Variants in IQCK observed in about 807,000 individuals in gnomAD.
IQCK encodes IQ motif containing K.
A neutral mutation model predicts 28.1 loss-of-function variants in IQCK; 29 were observed. That is an observed-to-expected ratio of 1.03 (90% confidence interval 0.77 to 1.41). The LOEUF is 1.41. Among genes scored for constraint, IQCK ranks in the 40% most tolerant of loss-of-function variants. The pLI is 0.00. For synonymous variants in IQCK, 113 were observed against 115.1 expected (o/e 0.98, Z 0.12); for missense variants, 359 against 314.7 (o/e 1.14, Z -1.07).
chr16:19,726,682 A>G (rs1977664357), intron 1 of IQCK, among the ~76,000 whole-genome samples: 2 of 152,334 alleles, frequency 1.3e-5, no homozygotes, highest in South Asian at 4.1e-4. Context: ...GGCTTACAAT[A>G]GATATAAATG....
chr16:19,846,409 C>G (rs2056416029), intron 9 of IQCK, among the ~76,000 whole-genome samples: 1 of 152,174 alleles, frequency 6.6e-6, no homozygotes, highest in Non-Finnish European at 1.5e-5. Context: ...TTTATTGAAT[C>G]TCTCTTTTTC....
At chr16:19,856,454 T>C (rs1164197094) in intron 9 of IQCK, 33 bp from the exon 9 acceptor site, 3 of 1,594,830 alleles carry the variant, frequency 1.9e-6, no homozygotes, top group East Asian at 4.5e-5. Flanking sequence ...CGTATGTAAA[T>C]TGATCCTGAC....
intron 9 of IQCK, among the ~76,000 whole-genome samples, chr16:19,845,051 G>A (rs1346056418): frequency 2.6e-5 from 4 of 152,022 alleles, no homozygotes; most frequent in East Asian, 1.9e-4. Context: ...AGATCAGCCC[G>A]CCTCGGCCTC....
chr16:19,765,884 T>G (rs1316202567), intron 6 of IQCK: 1 of 152,218 alleles, frequency 6.6e-6, no homozygotes, highest in Non-Finnish European at 1.5e-5. Flanking sequence ...AATTTTCCAT[T>G]TGTAATAACC....
chr16:19,730,057 G>C (rs1977782211), intron 1 of IQCK, among the ~76,000 whole-genome samples: 1 of 151,888 alleles, frequency 6.6e-6, no homozygotes, highest in African/African-American at 2.4e-5. Context: ...CCGGGTTCAA[G>C]CAATTCTCCT....
intron 4 of IQCK, among the ~76,000 whole-genome samples, chr16:19,759,209 AATT>A (rs771544885): frequency 1.3e-5 from 2 of 151,922 alleles, no homozygotes; most frequent in African/African-American, 2.4e-5. Flanking sequence ...TTTTAAAATT[AATT>A]ATTATTATTA....
chr16:19,853,983 A>C (rs958074739), intron 9 of IQCK, among the ~76,000 whole-genome samples: 1 of 152,242 alleles, frequency 6.6e-6, no homozygotes, highest in East Asian at 1.9e-4. Context: ...GGCAGCCAGC[A>C]TGATGTTAAT....
intron 9 of IQCK, among the ~76,000 whole-genome samples, chr16:19,842,416 C>T (rs1217178078): frequency 6.6e-6 from 1 of 152,070 alleles, no homozygotes; most frequent in Non-Finnish European, 1.5e-5. Flanking sequence ...AATTTGGTTC[C>T]CATGGTTTTA....
At chr16:19,777,876 C>T (rs1026265418) in intron 6 of IQCK, among the ~76,000 whole-genome samples, 4 of 152,138 alleles carry the variant, frequency 2.6e-5, no homozygotes, top group African/African-American at 9.7e-5. Context: ...CGTGGTGAAA[C>T]CCCATCTCTA....
intron 9 of IQCK, among the ~76,000 whole-genome samples, chr16:19,832,642 T>C (rs2056246314): frequency 1.3e-5 from 2 of 152,196 alleles, no homozygotes; most frequent in Non-Finnish European, 2.9e-5. Flanking sequence ...TGCAACATGA[T>C]GATTTAATAT....
At chr16:19,819,862 A>T (rs938794993) in intron 7 of IQCK, among the ~76,000 whole-genome samples, 1 of 152,028 alleles carries the variant, frequency 6.6e-6, no homozygotes, top group African/African-American at 2.4e-5. Flanking sequence ...AAATACAGAA[A>T]GTCCATACAG....
rs189600803 is a variant in IQCK, at chr16:19,759,572, G to A, written c.475-4276G>A. On this transcript the variant is annotated intron_variant, in intron 4 of 7. Transcript: ENST00000564186. ...AAAAGACATGTATATGTGGCCTGTCGTCACAGAGCTTATGATTCACTAGGG... is the reference window on the plus strand; with the variant it reads ...AAAAGACATGTATATGTGGCCTGTCATCACAGAGCTTATGATTCACTAGGG... 1.1e-4 allele frequency among the ~76,000 whole-genome samples: 16 copies of A among 152,214 alleles called. No homozygotes were observed. In the East Asian group the frequency reaches 1.5e-3, roughly 15 times the overall value.
chr16:19,835,837 G>A (rs866399033), intron 9 of IQCK, among the ~76,000 whole-genome samples: 13 of 152,022 alleles, frequency 8.6e-5, no homozygotes, highest in African/African-American at 2.2e-4. Flanking sequence ...CACCTGCCTC[G>A]GCCTCTTAAA....
chr16:19,750,205 C>T (rs1740137104), intron 4 of IQCK, among the ~76,000 whole-genome samples: 1 of 151,962 alleles, frequency 6.6e-6, no homozygotes, highest in African/African-American at 2.4e-5. Context: ...TGGCTTACTG[C>T]AACCTCTGCC....
At chr16:19,821,953 C>T (rs898508923) in intron 7 of IQCK, among the ~76,000 whole-genome samples, 3 of 149,026 alleles carry the variant, frequency 2.0e-5, no homozygotes, top group African/African-American at 7.4e-5. Flanking sequence ...GGTGGCACGC[C>T]TGTAGTCCCA....
chr16:19,765,700 A>C (rs2055224214), intron 6 of IQCK, among the ~76,000 whole-genome samples: 1 of 152,198 alleles, frequency 6.6e-6, no homozygotes, highest in South Asian at 2.1e-4. Context: ...CTAAGATTAC[A>C]CATTGAAAGG....
Position 19,733,734 on chromosome 16 carries a change from A to G in IQCK, c.283A>G (p.Ser95Gly), listed in dbSNP as rs1597502310. 4 of 1,614,210 alleles carry G rather than the reference A, an allele frequency of 2.5e-6. No individual in the cohort carries two copies. The East Asian group carries it at 6.7e-5, about 27-fold the overall frequency. The stretch of plus-strand genomic sequence containing the variant: ...AGAGGAAATGCTTTTTCATGGCTTC[A>G]GTGCAGAGCACTATTTTCCGGTTTC... The change falls in exon 3 of 8, where the codon AGT becomes GGT. Residue 95 changes from serine (S) to glycine (G), a missense_variant. Physicochemically the swap from Ser to Gly is moderately conservative, Grantham distance 56 (BLOSUM62 0). Coordinates refer to ENST00000564186, the Ensembl canonical transcript of IQCK.
rs182848639 is a variant in IQCK, at chr16:19,784,993, C to T, written c.606-3845C>T. 5.9e-5 allele frequency among the ~76,000 whole-genome samples: 9 copies of T among 152,176 alleles called. No individual in the cohort carries two copies. In the East Asian group the frequency reaches 1.5e-3, roughly 26 times the overall value. The stretch of plus-strand genomic sequence containing the variant: ...CATGTTGGCCAGGCTGGTCTCGAAC[C>T]CCTGACCTCAGGTGATCCACCCGCC... On this transcript the variant is annotated intron_variant, in intron 6 of 7. Transcript: ENST00000564186.
chr16:19,842,767 G>A (rs2056375975), intron 9 of IQCK, among the ~76,000 whole-genome samples: 1 of 152,076 alleles, frequency 6.6e-6, no homozygotes, highest in African/African-American at 2.4e-5. Flanking sequence ...TTCACGCTTG[G>A]TTTTCTTTTT....
Sources: gnomAD v4.1 joint callset for allele counts (sites outside exome capture counted in the v4.1 genomes callset) on GRCh38, gnomAD v4.1.1 for gene constraint, MANE v1.5 for transcripts, NCBI Gene and HGNC (gene_info 2026-07-23, HGNC 2026-07-21) for gene names.